The following LAMA5 variants were observed in gnomAD, a reference collection of about 807,000 sequenced individuals.
LAMA5 encodes the protein laminin subunit alpha 5.
LAMA5 carries 260 observed loss-of-function variants against 433.4 expected under a neutral mutation model. The observed-to-expected ratio is 0.60, with a 90% CI of 0.54 to 0.66. The LOEUF (loss-of-function observed/expected upper bound fraction) is 0.66, where lower values mean the gene tolerates loss of function less well. Among genes scored for constraint, LAMA5 ranks in the 30% least tolerant of loss-of-function variants. The probability of loss-of-function intolerance (pLI) is 0.00; values close to 1 mark genes in which losing one functional copy is unlikely to be tolerated. For missense variants in LAMA5, 5,378 were observed against 5,258.5 expected (o/e 1.02, Z -0.70); for synonymous variants, 2,620 against 2,226.6 (o/e 1.18, Z -4.97).
At position 62,321,418 on chromosome 20, in the gene LAMA5, TA is replaced by T. The variant is rs1568917716; in HGVS notation, c.6497-529del. Among the ~76,000 whole-genome samples, 12 of 4,102 alleles carry T rather than the reference TA, an allele frequency of 2.9e-3. 2 individuals carry two copies. Among genetic ancestry groups the T allele is most frequent in the Non-Finnish European group, 4.2e-3 (10 of 2,356 alleles). 2.7% of individuals were successfully genotyped at this position (4,102 alleles called of 152,430 possible). On this transcript the variant is annotated intron_variant, in intron 48 of 79. Transcript: ENST00000252999. ...AGGACGGGTGGGTTCAGAGGACGGG[TA>T]GGGTCAGTGGAGGGGTAGGGCCAGC...
rs1568884684 is a variant in LAMA5 at position 62,309,592 on chromosome 20, T to TGGGAGGGG, written c.10949-118_10949-117insCCCCTCCC. ...TGTCTCATTCCACATCATAGGAGGG[T>TGGGAGGGG]GGTAGGGGGGTGGGAGGAGGGTGGG... On this transcript the variant is annotated intron_variant, in intron 79 of 79. Coordinates refer to ENST00000252999, the MANE Select transcript of LAMA5 (RefSeq NM_005560.6). 1,376 of 175,926 alleles carry TGGGAGGGG rather than the reference T, an allele frequency of 7.8e-3. 72 individuals are homozygous for TGGGAGGGG. Among genetic ancestry groups the TGGGAGGGG allele is most frequent in the East Asian group, 0.027 (154 of 5,780 alleles). The allele number at this position is 175,926 out of a possible 1,614,324, so 10.9% of individuals were successfully genotyped here.
Position 62,345,864 on chromosome 20 carries a change from G to A in LAMA5, c.1431C>T (p.Ser477=). 1.3e-6 allele frequency: 2 copies of A among 1,553,118 alleles called. No individual in the cohort carries two copies. The highest frequency in any genetic ancestry group is 2.4e-5 in the South Asian group (2 of 84,218). The stretch of plus-strand genomic sequence containing the variant: ...GCACCTGCTCCCTGGTGTCATTGGA[G>A]GACGAGGGCGTCGCTGAGGGGAAGA... ...GFPSCYPTPS[S]SNDTREQVLP... is the part of the protein sequence containing the mutation. The change falls in exon 11 of 80, where the codon TCC becomes TCT. Residue 477 remains serine, a synonymous_variant. Transcript: ENST00000252999.
rs1380995168 is a variant in LAMA5, at chr20:62,314,602, C to T, written c.8320G>A (p.Gly2774Arg). The change falls in exon 61 of 80, where the codon GGG becomes AGG. Residue 2774 changes from glycine to arginine, a missense_variant. By Grantham distance (125) the Gly-to-Arg change is moderately radical. Coordinates refer to ENST00000252999, the MANE Select transcript of LAMA5 (RefSeq NM_005560.6). ...FYLQGPEPEP[G>R]QGTEDRFVMY... ...ACAAAGCGATCCTCGGTACCCTGCC[C>T]AGGCTCAGGCTCTGGGCCCTGCAGG... 6.2e-7 allele frequency: 1 copy of T among 1,612,282 alleles called. No homozygotes were observed. The highest frequency in any genetic ancestry group is 8.5e-7 in the Non-Finnish European group (1 of 1,179,816).
intron 2 of LAMA5, among the ~76,000 whole-genome samples, chr20:62,357,767 G>T (rs914463613): frequency 7.2e-5 from 11 of 152,346 alleles, no homozygotes; most frequent in Admixed American, 3.3e-4. Flanking sequence ...ACTTCCAGGA[G>T]TGGGCGGGGG....
rs1455327270 is a variant in LAMA5 at position 62,330,472 on chromosome 20, C to CA, written c.3979+15dup. ...CGTGTGTGGTAGCCTCTCCACCCCC[C>CA]ACACCAGACACTCACCCTGCCACAC... On this transcript the variant is annotated intron_variant, in intron 31 of 79. Transcript: ENST00000252999. 4 of 1,531,236 alleles carry CA rather than the reference C, an allele frequency of 2.6e-6. No individual in the cohort carries two copies. In the Admixed American group the frequency reaches 8.3e-5, roughly 32 times the overall value. The allele number at this position is 1,531,236 out of a possible 1,614,324, so 94.9% of individuals were successfully genotyped here. A position where few individuals can be genotyped will look rare whatever the true frequency, so the allele number is the denominator to read the frequency against.
intron 6 of LAMA5, chr20:62,351,295 G>A (rs1045318135): frequency 5.3e-5 from 14 of 262,842 alleles, no homozygotes; most frequent in Non-Finnish European, 9.6e-5. Context: ...GGGCTGCCTC[G>A]GCAGGTAGTG....
chr20:62,330,937 A>G lies in LAMA5; in HGVS notation c.3658T>C (p.Cys1220Arg). Residue 1220 changes from cysteine (C) to arginine (R), a missense_variant, in exon 30 of 80, where the codon TGT becomes CGT. Coordinates refer to ENST00000252999, the MANE Select transcript of LAMA5 (RefSeq NM_005560.6). ...HGAFGPNSAA[C>R]LPSRFPKPPQ... ...GGCTTTGGGAAGCGCGAGGGCAGAC[A>G]GGCGGCACTGGTGAGAGCACAGTGG... 6.4e-7 allele frequency: 1 copy of G among 1,552,322 alleles called. No homozygotes were observed. Among genetic ancestry groups the G allele is most frequent in the Non-Finnish European group, 8.7e-7 (1 of 1,148,140 alleles).
rs946646129 is a variant in LAMA5, at chr20:62,316,925, T to G, written c.7610A>C (p.Asp2537Ala). The G allele has an allele frequency of 1.3e-5, 20 of 1,553,206 alleles. No homozygotes were observed. The African/African-American group carries it at 2.6e-4, about 20-fold the overall frequency. Residue 2537 changes from aspartate to alanine, a missense_variant, in exon 56 of 80, where the codon GAT (aspartate) becomes GCT (alanine). Coordinates refer to ENST00000252999, the MANE Select transcript of LAMA5 (RefSeq NM_005560.6). ...CTGCTGCAGGGCCTGGCCAGCAGCA[T>G]CCTCGGCAGCCTGCACGGCCTGCAG... ...RILQAVQAAE[D>A]AAGQALQQAD...
chr20:62,365,425 CG>C (rs1986610847), intron 1 of LAMA5, among the ~76,000 whole-genome samples: 1 of 152,192 alleles, frequency 6.6e-6, no homozygotes, highest in Non-Finnish European at 1.5e-5. Flanking sequence ...ACTCACGAGA[CG>C]GGGGTAATAA....
Position 62,334,030 on chromosome 20 carries a change from C to A in LAMA5, c.2749G>T (p.Val917Leu), listed in dbSNP as rs748742005. ...AQMAPVQPRI[V>L]ARLNLTSPDL... ...GGGGAGGTCAGGTTCAGCCTGGCCA[C>A]GATCCTGGGCTGGGTGGGCATGGAG... Residue 917 changes from valine to leucine, a missense_variant, in exon 23 of 80, where the codon GTG becomes TTG. By Grantham distance (32) the Val-to-Leu change is conservative (BLOSUM62 1). Coordinates refer to ENST00000252999, the MANE Select transcript of LAMA5 (RefSeq NM_005560.6). 6.2e-7 allele frequency: 1 copy of A among 1,612,302 alleles called. No homozygotes were observed. The highest frequency in any genetic ancestry group is 2.2e-5 in the East Asian group (1 of 44,852).
In LAMA5 at chr20:62,367,196, C is replaced by G; in HGVS notation, c.50G>C (p.Arg17Pro). Residue 17 changes from arginine to proline, a missense_variant, in exon 1 of 80, where the codon CGG (arginine) becomes CCG (proline). Transcript: ENST00000252999. The stretch of plus-strand genomic sequence containing the variant: ...GACCAGCAGCAGCGGCGCGGGGCCC[C>G]GGGGGCCGCGAACACACAGTGCGCT... The part of the protein sequence containing the change: ...AGSALCVRGP[R>P]GPAPLLLVGL... 2 of 1,220,594 alleles carry G rather than the reference C, an allele frequency of 1.6e-6. No individual in the cohort carries two copies. The highest frequency in any genetic ancestry group is 2.0e-6 in the Non-Finnish European group (2 of 982,532). 75.6% of individuals were successfully genotyped at this position (1,220,594 alleles called of 1,614,324 possible). A position where few individuals can be genotyped will look rare whatever the true frequency, so the allele number is the denominator to read the frequency against.
chr20:62,347,455 C>T (rs942098254), intron 6 of LAMA5, among the ~76,000 whole-genome samples: 2 of 152,124 alleles, frequency 1.3e-5, no homozygotes, highest in Non-Finnish European at 1.5e-5. Context: ...AGGACTCGAG[C>T]GTAAGCCCAA....
intron 2 of LAMA5, among the ~76,000 whole-genome samples, chr20:62,355,632 G>A (rs552794740): frequency 8.0e-4 from 121 of 152,196 alleles, no homozygotes; most frequent in African/African-American, 2.8e-3. Context: ...AGGCTCTGAG[G>A]TCATCGTCTA....
chr20:62,343,830 AGT>A (rs1982965915), intron 11 of LAMA5, among the ~76,000 whole-genome samples: 1 of 150,330 alleles, frequency 6.7e-6, no homozygotes, highest in African/African-American at 2.4e-5. Context: ...CTTACAGAGT[AGT>A]CAAAGTGCAG....
intron 53 of LAMA5, 139 bp downstream of exon 53, chr20:62,318,315 G>GGAGGGGGGGAGGAC: frequency 2.5e-6 from 1 of 404,062 alleles, no homozygotes; most frequent in Non-Finnish European, 4.3e-6. Flanking sequence ...AAGAAGAGGA[G>GGAGGGGGGGAGGAC]GAGGGGGGGA....
In LAMA5 at chr20:62,343,255, T is replaced by C. The variant is rs570934008; in HGVS notation, c.1477+2563A>G. Among the ~76,000 whole-genome samples, 23 of 152,292 alleles carry C rather than the reference T, an allele frequency of 1.5e-4. No individual in the cohort carries two copies. The South Asian group carries it at 3.7e-3, about 25-fold the overall frequency. On this transcript the variant is annotated intron_variant, in intron 11 of 79. Transcript: ENST00000252999. ...GTTTGTTGACCCCTGGTTTACACTA[T>C]TGATGAAAAACTAAACATTTCCACA... is the stretch of plus-strand genomic sequence containing the variant.
Position 62,352,482 on chromosome 20 carries a change from C to T in LAMA5, c.569-122G>A, listed in dbSNP as rs623834. Reference sequence around the variant, plus strand: ...GAGGCTCCCACAGGCCAAGAGGCCGCGTGACAGAGACCACAGCTCACTGGC... The same window carrying T: ...GAGGCTCCCACAGGCCAAGAGGCCGTGTGACAGAGACCACAGCTCACTGGC... On this transcript the variant is annotated intron_variant, in intron 3 of 79. Coordinates refer to ENST00000252999, the MANE Select transcript of LAMA5 (RefSeq NM_005560.6). 0.56 allele frequency: 390,239 copies of T among 702,236 alleles called. 116,389 individuals carry two copies. Among genetic ancestry groups the T allele is most frequent in the East Asian group, 0.78 (28,766 of 36,796 alleles). The allele number at this position is 702,236 out of a possible 1,614,324, so 43.5% of individuals were successfully genotyped here.
Position 62,311,638 on chromosome 20 carries a change from C to T in LAMA5, c.9782G>A (p.Cys3261Tyr), listed in dbSNP as rs866785770. 1.2e-6 allele frequency: 2 copies of T among 1,603,226 alleles called. No individual in the cohort carries two copies. Among genetic ancestry groups the T allele is most frequent in the South Asian group, 1.1e-5 (1 of 89,614 alleles). ...CCGCTGCACGAAGACGTTGCTGATG[C>T]AGCCACTGAAGTTGTAAATGGTGCC... is the stretch of plus-strand genomic sequence containing the variant. ...ESGTIYNFSG[C>Y]ISNVFVQRLL... Residue 3261 changes from cysteine to tyrosine, a missense_variant, in exon 71 of 80, where the codon TGC becomes TAC. Cys to Tyr is a radical substitution (Grantham distance 194, BLOSUM62 -2). Coordinates refer to ENST00000252999, the MANE Select transcript of LAMA5 (RefSeq NM_005560.6).
Position 62,360,931 on chromosome 20 carries a change from G to C in LAMA5, c.450+1469C>G, listed in dbSNP as rs372144522. Among the ~76,000 whole-genome samples the C allele has an allele frequency of 2.8e-3, 428 of 152,218 alleles. 1 individual carries two copies. The highest frequency in any genetic ancestry group is 9.0e-3 in the African/African-American group (373 of 41,518). On this transcript the variant is annotated intron_variant, in intron 2 of 79. Transcript: ENST00000252999. ...CTCGTGGGTCCGAGTGTCAGTCCCG[G>C]CTTCCCTGCCCCACCCAGGCACATC...
Sources: allele counts gnomAD v4.1 joint callset (sites outside exome capture counted in the v4.1 genomes callset), GRCh38; gene constraint gnomAD v4.1.1; transcripts MANE v1.5; gene names NCBI Gene and HGNC (gene_info 2026-07-23, HGNC 2026-07-21).